Variants in CADPS2 observed in about 807,000 individuals in gnomAD.
CADPS2 encodes the protein calcium-dependent secretion activator 2.
In CADPS2, 93 loss-of-function variants were observed where a neutral mutation model predicts 172.5. The ratio of observed to expected loss-of-function variants is 0.54; its 90% CI spans 0.46 to 0.64. CADPS2 has a LOEUF of 0.64. CADPS2 is among the 30% of genes least tolerant of loss of function. The probability of loss-of-function intolerance (pLI) is 0.00; values close to 1 mark genes in which losing one functional copy is unlikely to be tolerated. For missense variants in CADPS2, 1,420 were observed against 1,565.9 expected (o/e 0.91, Z 1.57); for synonymous variants, 546 against 555.2 (o/e 0.98, Z 0.23).
intron 4 of CADPS2, among the ~76,000 whole-genome samples, chr7:122,625,055 T>A (rs1003811214): frequency 2.5e-4 from 2 of 7,976 alleles, no homozygotes; most frequent in Non-Finnish European, 9.1e-4. Flanking sequence ...GATTAATTAT[T>A]TTTTTTTTTT....
intron 1 of CADPS2, among the ~76,000 whole-genome samples, chr7:122,824,412 T>C (rs1276198217): frequency 6.6e-6 from 1 of 152,196 alleles, no homozygotes; most frequent in Admixed American, 6.5e-5. Flanking sequence ...GTATTTGTTT[T>C]CTTGAAGCTC....
rs1402449447 is a variant in CADPS2 at position 122,345,677 on chromosome 7, G to A, written c.3509C>T (p.Pro1170Leu). ...AAAKYVDVPKPGMDLADTYIM... is the reference protein window; with the variant it reads ...AAAKYVDVPKLGMDLADTYIM... The stretch of plus-strand genomic sequence containing the variant: ...ATAGGTGTCTGCCAGATCCATTCCT[G>A]GTTTCTGTTGTGAAGGAAAAGCAGG... The change falls in exon 28 of 30, where the codon CCA becomes CTA. Residue 1170 changes from proline to leucine, a missense_variant. Transcript: ENST00000449022. The A allele has an allele frequency of 1.2e-6, 2 of 1,601,062 alleles. No individual in the cohort carries two copies. The highest frequency in any genetic ancestry group is 1.7e-6 in the Non-Finnish European group (2 of 1,171,420).
At chr7:122,335,567 A>T (rs908907810) in intron 28 of CADPS2, among the ~76,000 whole-genome samples, 1 of 152,244 alleles carries the variant, frequency 6.6e-6, no homozygotes, top group Non-Finnish European at 1.5e-5. Context: ...TATAGGGAAT[A>T]TATGGAACTA....
In CADPS2 at chr7:122,873,310, TCTCC is replaced by T. The variant is rs1820288903; in HGVS notation, c.339+12685_339+12688del. Among the ~76,000 whole-genome samples, 3 of 152,224 alleles carry T rather than the reference TCTCC, an allele frequency of 2.0e-5. No individual in the cohort carries two copies. In the South Asian group the frequency reaches 6.2e-4, roughly 32 times the overall value. On this transcript the variant is annotated intron_variant, in intron 1 of 29. Coordinates refer to ENST00000449022, the MANE Select transcript of CADPS2 (RefSeq NM_017954.11). ...CTACATTAGGTATTTCTCATAATGC[TCTCC>T]CTCCTCTAGCCCCCCAACCCAATAG...
At chr7:122,650,074 A>G (rs895659461) in intron 3 of CADPS2, among the ~76,000 whole-genome samples, 4 of 150,734 alleles carry the variant, frequency 2.7e-5, no homozygotes, top group African/African-American at 9.8e-5. Flanking sequence ...ACACCTGGCT[A>G]ATTTTTTTGT....
intron 1 of CADPS2, among the ~76,000 whole-genome samples, chr7:122,759,714 C>T (rs73719767): frequency 0.016 from 2,448 of 152,204 alleles, 63 homozygotes; most frequent in African/African-American, 0.056. Flanking sequence ...TCCAAAATTT[C>T]TTCTTGCCCA....
chr7:122,633,652 T>C (rs1178551469), intron 3 of CADPS2, among the ~76,000 whole-genome samples: 1 of 152,172 alleles, frequency 6.6e-6, no homozygotes, highest in Non-Finnish European at 1.5e-5. Context: ...AAAGCTAATT[T>C]GACTTCCTCT....
At chr7:122,867,305 CCT>C (rs1344942875) in intron 1 of CADPS2, among the ~76,000 whole-genome samples, 1 of 152,140 alleles carries the variant, frequency 6.6e-6, no homozygotes, top group Non-Finnish European at 1.5e-5. Flanking sequence ...GACTGTCCCT[CCT>C]CTCACACACT....
intron 20 of CADPS2, among the ~76,000 whole-genome samples, chr7:122,404,169 T>A (rs1585679626): frequency 6.6e-6 from 1 of 151,172 alleles, no homozygotes; most frequent in African/African-American, 2.4e-5. Context: ...CAGGCCCCAG[T>A]GTGGGATGTT....
Position 122,886,088 on chromosome 7 carries a change from G to C in CADPS2, c.250C>G (p.Arg84Gly). Residue 84 changes from arginine (R) to glycine (G), a missense_variant, in exon 1 of 30, where the codon CGC (arginine) becomes GGC (glycine). By Grantham distance (125) the Arg-to-Gly change is moderately radical. Transcript: ENST00000449022. ...QLDDEQERRI[R>G]LQLYVFVVRC... is the part of the protein sequence containing the mutation. ...ACGACGAAGACGTAGAGCTGCAGGC[G>C]GATCCTCCGCTCCTGCTCATCGTCC... is the stretch of plus-strand genomic sequence containing the variant. 1.3e-6 allele frequency: 2 copies of C among 1,586,192 alleles called. No individual in the cohort carries two copies. Among genetic ancestry groups the C allele is most frequent in the Non-Finnish European group, 1.7e-6 (2 of 1,166,906 alleles).
intron 2 of CADPS2, among the ~76,000 whole-genome samples, chr7:122,703,306 T>C (rs1034947605): frequency 2.6e-5 from 4 of 152,114 alleles, no homozygotes; most frequent in East Asian, 3.9e-4. Flanking sequence ...TTTTCATGCA[T>C]GGTTCAACAC....
intron 2 of CADPS2, among the ~76,000 whole-genome samples, chr7:122,734,053 T>G (rs186379869): frequency 5.9e-4 from 89 of 152,028 alleles, no homozygotes; most frequent in African/African-American, 2.1e-3. Context: ...TTCTCAGAAA[T>G]TCTTATTCAA....
At position 122,489,131 on chromosome 7, in the gene CADPS2, G is replaced by A. The variant is rs796267089; in HGVS notation, c.1852+950C>T. ...AAAAGATATGCCCCAAAATAATTAC[G>A]ATAATCTATGAGTATGGTCTGTGGT... On this transcript the variant is annotated intron_variant, in intron 11 of 29. Transcript: ENST00000449022. Among the ~76,000 whole-genome samples the A allele has an allele frequency of 4.6e-5, 7 of 152,082 alleles. No homozygotes were observed. In the South Asian group the frequency reaches 1.0e-3, roughly 23 times the overall value.
chr7:122,391,530 AT>A (rs950894713), intron 22 of CADPS2, among the ~76,000 whole-genome samples: 4 of 152,252 alleles, frequency 2.6e-5, no homozygotes, highest in African/African-American at 9.6e-5. Flanking sequence ...GAACAAAAAA[AT>A]CATACACTTA....
intron 2 of CADPS2, among the ~76,000 whole-genome samples, chr7:122,731,451 A>T (rs1338295490): frequency 6.6e-6 from 1 of 151,776 alleles, no homozygotes; most frequent in African/African-American, 2.4e-5. Context: ...ATTCTGTGAA[A>T]CAGAAGCAGA....
Position 122,612,690 on chromosome 7 carries a change from G to A in CADPS2, c.1223+2491C>T, listed in dbSNP as rs74698384. 7.1e-3 allele frequency among the ~76,000 whole-genome samples: 1,078 copies of A among 152,116 alleles called. 14 individuals are homozygous for A. The highest frequency in any genetic ancestry group is 0.034 in the East Asian group (174 of 5,160). On this transcript the variant is annotated intron_variant, in intron 6 of 29. Coordinates refer to ENST00000449022, the MANE Select transcript of CADPS2 (RefSeq NM_017954.11). The stretch of plus-strand genomic sequence containing the variant: ...TCTTTGCATAATCTTTACAAAAGTT[G>A]ATAAACTCTTCCTAAAATTCATATC...
chr7:122,667,648 C>A (rs2081318972), intron 2 of CADPS2, among the ~76,000 whole-genome samples: 2 of 152,032 alleles, frequency 1.3e-5, no homozygotes, highest in African/African-American at 4.8e-5. Flanking sequence ...GCAATGGAAA[C>A]CCACACAGAG....
intron 22 of CADPS2, among the ~76,000 whole-genome samples, chr7:122,391,710 C>T (rs982632782): frequency 4.6e-5 from 7 of 152,078 alleles, no homozygotes; most frequent in Non-Finnish European, 1.0e-4. Flanking sequence ...AGAAATATTG[C>T]CAAATTACTT....
intron 28 of CADPS2, among the ~76,000 whole-genome samples, chr7:122,326,659 A>AT (rs1317594455): frequency 6.6e-6 from 1 of 152,020 alleles, no homozygotes; most frequent in Non-Finnish European, 1.5e-5. Context: ...GTTCTAAAGA[A>AT]TTTAAACACC....
Sources: allele counts gnomAD v4.1 joint callset (sites outside exome capture counted in the v4.1 genomes callset), GRCh38; gene constraint gnomAD v4.1.1; transcripts MANE v1.5; gene names NCBI Gene and HGNC (gene_info 2026-07-23, HGNC 2026-07-21).